Variants in NAV2 observed in about 807,000 individuals in gnomAD.
NAV2 encodes neuron navigator 2, also known as helicase, APC down-regulated 1.
Under a neutral mutation model 223.2 loss-of-function variants are expected in NAV2, and 54 were observed. That is an observed-to-expected ratio of 0.24 (90% CI 0.19 to 0.30). The LOEUF is 0.30. Ranked by LOEUF, NAV2 falls within the 10% of genes least tolerant of loss-of-function variation. NAV2 has a pLI of 1.00. For missense variants in NAV2, 2,806 were observed against 3,147.5 expected (o/e 0.89, Z 2.60); for synonymous variants, 1,279 against 1,239.3 (o/e 1.03, Z -0.67).
intron 1 of NAV2, among the ~76,000 whole-genome samples, chr11:19,781,612 AAGCAGATTAAAAG>A (rs1421837796): frequency 9.9e-5 from 15 of 152,132 alleles, no homozygotes; most frequent in Non-Finnish European, 8.8e-5. Flanking sequence ...CCAGGCTAAC[AAGCAGATTAAAAG>A]AGGTCAGTGG....
At chr11:19,852,964 T>C (rs938573407) in intron 3 of NAV2, among the ~76,000 whole-genome samples, 35 of 152,376 alleles carry the variant, frequency 2.3e-4, no homozygotes, top group African/African-American at 8.2e-4. Context: ...CACAATTTTA[T>C]ATTTTAACTC....
At chr11:19,472,427 C>G (rs1179274559) in intron 1 of NAV2, among the ~76,000 whole-genome samples, 2 of 151,936 alleles carry the variant, frequency 1.3e-5, no homozygotes, top group Non-Finnish European at 2.9e-5. Flanking sequence ...ATGTAAAGTG[C>G]CTAGAACGAT....
chr11:19,933,881 G>A lies in NAV2; in HGVS notation c.1637G>A (p.Gly546Glu). ...AAGATTGCCAGCTTCATCCCCAAAGGGGGGAAGCTCAACAGTGCCAAGAAG... is the reference window on the plus strand; with the variant it reads ...AAGATTGCCAGCTTCATCCCCAAAGAGGGGAAGCTCAACAGTGCCAAGAAG... ...SSKIASFIPK[G>E]GKLNSAKKEP... The change falls in exon 7 of 38, where the codon GGG (glycine) becomes GAG (glutamate). Residue 546 changes from glycine (G) to glutamate (E), a missense_variant. By Grantham distance (98) the Gly-to-Glu change is moderately conservative. Around this residue, in one of 4 missense-constraint regions of NAV2, gnomAD observed 1,167 missense variants for 1,180.5 expected, o/e 0.99. Coordinates refer to ENST00000349880, the MANE Select transcript of NAV2 (RefSeq NM_145117.5). This position sits in a 1 kb window ranked among gnomAD's most constrained non-coding sequence, Gnocchi z 4.3. The A allele has an allele frequency of 6.3e-7, 1 of 1,599,058 alleles. No homozygotes were observed.
chr11:19,688,530 A>AT (rs1274152826), intron 1 of NAV2, among the ~76,000 whole-genome samples: 1 of 152,234 alleles, frequency 6.6e-6, no homozygotes, highest in African/African-American at 2.4e-5. Flanking sequence ...AAGTAAAAAT[A>AT]TTTTCTGAAG....
chr11:19,884,474 C>A, intron 5 of NAV2: 1 of 868,550 alleles, frequency 1.2e-6, no homozygotes, highest in Non-Finnish European at 1.9e-6. Flanking sequence ...TTCATGTTTG[C>A]AGTTCGAGAA....
At chr11:19,518,059 A>G (rs1162232416) in intron 1 of NAV2, among the ~76,000 whole-genome samples, 1 of 152,274 alleles carries the variant, frequency 6.6e-6, no homozygotes, top group African/African-American at 2.4e-5. Context: ...ACAGAGAAGT[A>G]GGGTGAATAG....
intron 1 of NAV2, among the ~76,000 whole-genome samples, chr11:19,599,604 C>T (rs1484606380): frequency 1.3e-5 from 2 of 152,154 alleles, no homozygotes; most frequent in African/African-American, 4.8e-5. Context: ...CAAACTGTAC[C>T]TTGGTTTATT....
chr11:19,999,102 C>A (rs2052269595), intron 11 of NAV2, among the ~76,000 whole-genome samples: 1 of 152,214 alleles, frequency 6.6e-6, no homozygotes. Context: ...CTGGTGCCAA[C>A]CAACCAGAAT....
At chr11:20,054,471 G>A (rs1012536298) in intron 18 of NAV2, among the ~76,000 whole-genome samples, 3 of 151,902 alleles carry the variant, frequency 2.0e-5, no homozygotes, top group African/African-American at 4.8e-5. Flanking sequence ...ATTAGCCCTC[G>A]GCAATATAGA....
chr11:20,104,864 AACCTCTGGT>A (rs2061909440), intron 34 of NAV2: 1 of 152,022 alleles, frequency 6.6e-6, no homozygotes, highest in African/African-American at 2.4e-5. Flanking sequence ...AGCTACACTA[AACCTCTGGT>A]AGTTTCCCCA....
At chr11:20,079,063 C>A (rs780422045) in intron 24 of NAV2, among the ~76,000 whole-genome samples, 2 of 151,986 alleles carry the variant, frequency 1.3e-5, no homozygotes, top group Non-Finnish European at 2.9e-5. Flanking sequence ...TTTTTTGAGA[C>A]GGAGTTTCAC....
intron 1 of NAV2, among the ~76,000 whole-genome samples, chr11:19,423,669 C>T (rs1850708623): frequency 6.6e-6 from 1 of 152,216 alleles, no homozygotes; most frequent in Non-Finnish European, 1.5e-5. Flanking sequence ...TTGAAAGTGG[C>T]TTGCCAATGT....
chr11:19,433,130 C>A (rs528287520), intron 1 of NAV2, among the ~76,000 whole-genome samples: 1 of 152,268 alleles, frequency 6.6e-6, no homozygotes, highest in Admixed American at 6.5e-5. Flanking sequence ...GACTTCAATT[C>A]TGTCTTCAAA....
At chr11:19,820,285 A>C (rs924725268) in intron 1 of NAV2, among the ~76,000 whole-genome samples, 3 of 152,260 alleles carry the variant, frequency 2.0e-5, no homozygotes, top group African/African-American at 4.8e-5. Context: ...CCTGATTGCC[A>C]TCATACCAGA....
At chr11:20,007,413 G>A (rs1262746235) in intron 11 of NAV2, among the ~76,000 whole-genome samples, 1 of 152,242 alleles carries the variant, frequency 6.6e-6, no homozygotes, top group East Asian at 1.9e-4. Context: ...TTTCCTGGAG[G>A]TGCAGGGCAA....
chr11:19,555,191 G>T (rs896286718), intron 1 of NAV2, among the ~76,000 whole-genome samples: 1 of 152,210 alleles, frequency 6.6e-6, no homozygotes, highest in Non-Finnish European at 1.5e-5. Context: ...CATCAATGAG[G>T]TGGGGAAGCA....
At chr11:19,880,167 C>A (rs2063111986) in intron 5 of NAV2, 40 bp downstream of exon 5, 3 of 1,510,932 alleles carry the variant, frequency 2.0e-6, no homozygotes, top group East Asian at 2.4e-5. Context: ...GTTTTTCAGG[C>A]ACCTTCCTCC....
At chr11:19,695,888 A>AATAAAATAAAATAAT (rs1554998225) in intron 1 of NAV2, among the ~76,000 whole-genome samples, 7 of 124,980 alleles carry the variant, frequency 5.6e-5, no homozygotes, top group Admixed American at 2.9e-4. Context: ...TGGATGAAAT[A>AATAAAATAAAATAAT]ATAAAATAAA....
At chr11:19,485,738 T>C (rs2042422796) in intron 1 of NAV2, among the ~76,000 whole-genome samples, 1 of 151,924 alleles carries the variant, frequency 6.6e-6, no homozygotes, top group South Asian at 2.1e-4. Flanking sequence ...ATTTTTTTTT[T>C]TAAAAGGAAA....
Sources: gnomAD v4.1 joint callset for allele counts (sites outside exome capture counted in the v4.1 genomes callset) on GRCh38, gnomAD v4.1.1 for gene constraint, gnomAD v4.1.1 regional missense constraint, Gnocchi (gnomAD v3.1) non-coding constraint, MANE v1.5 for transcripts, NCBI Gene and HGNC (gene_info 2026-07-23, HGNC 2026-07-21) for gene names.